The following LIN54 variants were observed in gnomAD, a reference collection of about 807,000 sequenced individuals.
LIN54 encodes lin-54 DREAM MuvB core complex component, also known as protein lin-54 homolog.
LIN54 carries 9 observed loss-of-function variants against 78.7 expected under a neutral mutation model. That is an observed-to-expected ratio of 0.11 (90% CI 0.07 to 0.20). The LOEUF is 0.20. Among genes scored for constraint, LIN54 ranks in the 10% least tolerant of loss-of-function variants. The pLI is 1.00. For missense variants in LIN54, 573 were observed against 889.9 expected, an observed-to-expected ratio of 0.64 and a Z score of 4.53; for synonymous variants, 269 against 318.4, an observed-to-expected ratio of 0.84 and a Z score of 1.65.
chr4:82,938,844 A>T (rs1722610821), intron 7 of LIN54, among the ~76,000 whole-genome samples: 1 of 152,242 alleles, frequency 6.6e-6, no homozygotes, highest in Non-Finnish European at 1.5e-5. Context: ...GCCTACTTAC[A>T]AATAAAATAG....
In LIN54 at chr4:82,950,561, G is replaced by A. The variant is rs375650086; in HGVS notation, c.952-4087C>T. Among the ~76,000 whole-genome samples, 9 of 152,248 alleles carry A rather than the reference G, an allele frequency of 5.9e-5. No individual in the cohort carries two copies. The East Asian group carries it at 1.5e-3, about 26-fold the overall frequency. On this transcript the variant is annotated intron_variant, in intron 4 of 12. Transcript: ENST00000340417. ...ACCCATTACATAAAACAGTTCACGTGCATTCAGTAAAAATCTTCATTTGGA... is the reference window on the plus strand; with the variant it reads ...ACCCATTACATAAAACAGTTCACGTACATTCAGTAAAAATCTTCATTTGGA...
intron 3 of LIN54, among the ~76,000 whole-genome samples, chr4:82,973,981 A>C (rs537587639): frequency 4.0e-5 from 6 of 151,798 alleles, no homozygotes; most frequent in South Asian, 2.1e-4. Flanking sequence ...GAGGACAAGG[A>C]GGGTGGATCA....
chr4:82,977,902 T>C (rs1477083023), intron 3 of LIN54, among the ~76,000 whole-genome samples: 1 of 152,184 alleles, frequency 6.6e-6, no homozygotes, highest in Non-Finnish European at 1.5e-5. Flanking sequence ...TCTAAAAAAC[T>C]TGAGCTGCTA....
chr4:82,969,964 C>T (rs1237069160), intron 4 of LIN54, among the ~76,000 whole-genome samples: 1 of 152,006 alleles, frequency 6.6e-6, no homozygotes, highest in African/African-American at 2.4e-5. Context: ...TTTAAAGTTA[C>T]ATTTAATATT....
intron 4 of LIN54, among the ~76,000 whole-genome samples, chr4:82,956,679 T>C (rs570672456): frequency 1.3e-5 from 2 of 152,226 alleles, no homozygotes; most frequent in African/African-American, 2.4e-5. Context: ...AATATATAAA[T>C]GCATAAAACA....
Position 82,984,492 on chromosome 4 carries a change from T to C in LIN54, c.353A>G (p.Asn118Ser). ...AAGATCAGATGTCTGTGATACTTTG[T>C]TTAAAATAATCTGATTGGCTGATAT... is the stretch of plus-strand genomic sequence containing the variant. ...VTISANQIIL[N>S]KVSQTSDLKL... Residue 118 changes from asparagine to serine, a missense_variant, in exon 2 of 13, where the codon AAC (asparagine) becomes AGC (serine). Asn to Ser is a conservative substitution (Grantham distance 46). Transcript: ENST00000340417. 1 of 1,614,214 alleles carries C rather than the reference T, an allele frequency of 6.2e-7. No individual in the cohort carries two copies. Among genetic ancestry groups the C allele is most frequent in the Non-Finnish European group, 8.5e-7 (1 of 1,180,012 alleles).
At chr4:82,979,104 AC>A in intron 2 of LIN54, 98 bp from the exon 3 acceptor site, 1 of 880,236 alleles carries the variant, frequency 1.1e-6, no homozygotes. Context: ...CACATGTAAA[AC>A]CAGCTCACTT....
At chr4:82,944,258 TTAA>T (rs1723175287) in intron 5 of LIN54, among the ~76,000 whole-genome samples, 1 of 152,206 alleles carries the variant, frequency 6.6e-6, no homozygotes, top group Non-Finnish European at 1.5e-5. Context: ...AATGAATAAA[TTAA>T]TGTTAACATT....
chr4:82,995,995 A>G (rs1367440118), intron 1 of LIN54, among the ~76,000 whole-genome samples: 1 of 151,758 alleles, frequency 6.6e-6, no homozygotes. Flanking sequence ...AAAATACAAA[A>G]TTAGCTGGGC....
intron 3 of LIN54, among the ~76,000 whole-genome samples, chr4:82,974,134 C>A (rs1250897969): frequency 6.6e-6 from 1 of 150,804 alleles, no homozygotes; most frequent in Non-Finnish European, 1.5e-5. Context: ...GGCGTGAACC[C>A]AGGAGGCGGA....
intron 3 of LIN54, among the ~76,000 whole-genome samples, chr4:82,977,385 C>A (rs2126079622): frequency 6.6e-6 from 1 of 152,260 alleles, no homozygotes; most frequent in East Asian, 1.9e-4. Context: ...CTTTGGGGCC[C>A]CCCTGCCTCC....
chr4:82,955,703 T>TGAACTCA (rs1314660835), intron 4 of LIN54, among the ~76,000 whole-genome samples: 5 of 151,400 alleles, frequency 3.3e-5, no homozygotes, highest in Non-Finnish European at 5.9e-5. Flanking sequence ...GAGGATCGCT[T>TGAACTCA]GAACTCAGGA....
intron 1 of LIN54, among the ~76,000 whole-genome samples, chr4:83,001,202 A>T (rs943302966): frequency 3.3e-5 from 5 of 152,194 alleles, no homozygotes; most frequent in Non-Finnish European, 7.3e-5. Flanking sequence ...CAATGAAGAA[A>T]ATCATGAAAT....
intron 4 of LIN54, among the ~76,000 whole-genome samples, chr4:82,955,478 G>T (rs1211731148): frequency 1.3e-5 from 2 of 150,966 alleles, no homozygotes; most frequent in East Asian, 1.9e-4. Flanking sequence ...ATGGTAAAAG[G>T]CAACAAGAAA....
At chr4:82,993,907 CG>C (rs1385826013) in intron 1 of LIN54, among the ~76,000 whole-genome samples, 1 of 152,002 alleles carries the variant, frequency 6.6e-6, no homozygotes, top group Non-Finnish European at 1.5e-5. Context: ...TGAGCCACTA[CG>C]CCTGGCCTGA....
intron 3 of LIN54, among the ~76,000 whole-genome samples, chr4:82,977,155 C>A (rs991880721): frequency 2.6e-5 from 4 of 152,154 alleles, no homozygotes; most frequent in African/African-American, 9.7e-5. Context: ...TTCCCATTAA[C>A]TAAAACTTTT....
Position 82,978,866 on chromosome 4 carries a change from CTATAAAGAAA to C in LIN54, c.808+7_808+16del. ...GAAGATAAATATTTAGCTTAATAAA[CTATAAAGAAA>C]TATAACCTGCAATAACTGGTGGTGA... On this transcript the variant is annotated splice_region_variant and intron_variant, in intron 3 of 12. Transcript: ENST00000340417. 6.9e-7 allele frequency: 1 copy of C among 1,451,186 alleles called. No individual in the cohort carries two copies. The highest frequency in any genetic ancestry group is 9.5e-7 in the Non-Finnish European group (1 of 1,053,180). The allele number at this position is 1,451,186 out of a possible 1,614,324, so 89.9% of individuals were successfully genotyped here.
intron 4 of LIN54, among the ~76,000 whole-genome samples, chr4:82,951,337 A>T (rs1201053077): frequency 6.6e-6 from 1 of 152,184 alleles, no homozygotes. Context: ...TATTAATCCA[A>T]CTTATGTTTT....
At position 82,947,235 on chromosome 4, in the gene LIN54, A is replaced by ATATATATATTTTTTT; in HGVS notation, c.952-762_952-761insAAAAAAATATATATA. Reference sequence around the variant, plus strand: ...TATATATATATATATATATATATATATTTTTTTTTTTTTTGAAGACAGGGT... The same window carrying ATATATATATTTTTTT: ...TATATATATATATATATATATATATATATATATATTTTTTTTTTTTTTTTTTTTTGAAGACAGGGT... On this transcript the variant is annotated intron_variant, in intron 4 of 12. Coordinates refer to ENST00000340417, the MANE Select transcript of LIN54 (RefSeq NM_194282.4). 6.8e-4 allele frequency among the ~76,000 whole-genome samples: 30 copies of ATATATATATTTTTTT among 44,292 alleles called. 2 individuals are homozygous for ATATATATATTTTTTT. Among genetic ancestry groups the ATATATATATTTTTTT allele is most frequent in the East Asian group, 1.0e-3 (1 of 988 alleles). The allele number at this position is 44,292 out of a possible 152,430, so 29.1% of individuals were successfully genotyped here.
Sources: allele counts gnomAD v4.1 joint callset (sites outside exome capture counted in the v4.1 genomes callset), GRCh38; gene constraint gnomAD v4.1.1; transcripts MANE v1.5; gene names NCBI Gene and HGNC (gene_info 2026-07-23, HGNC 2026-07-21).